RBFOX1: variants seen among roughly 807,000 people sequenced by gnomAD.
RBFOX1 encodes the protein RNA binding protein fox-1 homolog 1.
Under a neutral mutation model 57.7 loss-of-function variants are expected in RBFOX1, and 8 were observed. The ratio of observed to expected loss-of-function variants is 0.14; its 90% CI spans 0.08 to 0.25. The LOEUF (loss-of-function observed/expected upper bound fraction) is 0.25, where lower values mean the gene tolerates loss of function less well. Ranked by LOEUF, RBFOX1 falls within the 10% of genes least tolerant of loss-of-function variation. RBFOX1 has a pLI of 1.00. For synonymous variants in RBFOX1, 326 were observed against 222.4 expected (o/e 1.47, Z -4.15); for missense variants, 611 against 548.5 (o/e 1.11, Z -1.14).
intron 4 of RBFOX1, among the ~76,000 whole-genome samples, chr16:5,891,592 G>A (rs951546122): frequency 6.6e-6 from 1 of 152,112 alleles, no homozygotes; most frequent in African/African-American, 2.4e-5. Flanking sequence ...ATGGCAGAGG[G>A]GTTCCTTCTA....
At chr16:7,101,694 A>G (rs1226537158) in intron 4 of RBFOX1, among the ~76,000 whole-genome samples, 1 of 152,160 alleles carries the variant, frequency 6.6e-6, no homozygotes, top group African/African-American at 2.4e-5. Context: ...GCATTCAAGT[A>G]GGGTGATTTT....
At chr16:5,760,188 T>C (rs1023269693) in intron 3 of RBFOX1, among the ~76,000 whole-genome samples, 6 of 152,164 alleles carry the variant, frequency 3.9e-5, no homozygotes, top group African/African-American at 1.4e-4. Flanking sequence ...TTCCCAGTTT[T>C]ATCATTGAAA....
chr16:5,943,189 A>C (rs1290517136), intron 4 of RBFOX1, among the ~76,000 whole-genome samples: 1 of 152,224 alleles, frequency 6.6e-6, no homozygotes. Flanking sequence ...TTCTAGGTGT[A>C]GCCCCTGGAG....
chr16:6,869,075 T>C (rs1358379013), intron 3 of RBFOX1, among the ~76,000 whole-genome samples: 1 of 152,206 alleles, frequency 6.6e-6, no homozygotes, highest in Non-Finnish European at 1.5e-5. Flanking sequence ...TCCATTGCTA[T>C]AAGCCACTAA....
chr16:6,784,219 C>T (rs574718093), intron 3 of RBFOX1, among the ~76,000 whole-genome samples: 16 of 152,112 alleles, frequency 1.1e-4, no homozygotes, highest in South Asian at 8.3e-4. Context: ...CAATCTCTTT[C>T]TCTACTTCTT....
chr16:6,099,804 T>C (rs2096283090), intron 1 of RBFOX1, among the ~76,000 whole-genome samples: 1 of 152,182 alleles, frequency 6.6e-6, no homozygotes, highest in South Asian at 2.1e-4. Context: ...ACTCCGGGCA[T>C]CCTTCCCTTT....
chr16:6,102,201 C>T (rs1304894291), intron 1 of RBFOX1, among the ~76,000 whole-genome samples: 1 of 149,028 alleles, frequency 6.7e-6, no homozygotes, highest in Non-Finnish European at 1.5e-5. Context: ...AAAAATGCAC[C>T]CAGAAATGCA....
At chr16:6,871,563 A>C (rs1386767757) in intron 3 of RBFOX1, among the ~76,000 whole-genome samples, 1 of 151,874 alleles carries the variant, frequency 6.6e-6, no homozygotes, top group Non-Finnish European at 1.5e-5. Context: ...TCCCCTCTTA[A>C]TTACTGACTG....
intron 3 of RBFOX1, among the ~76,000 whole-genome samples, chr16:7,016,769 A>T (rs926156156): frequency 6.6e-6 from 1 of 152,128 alleles, no homozygotes; most frequent in African/African-American, 2.4e-5. Context: ...CCGTTTTAGG[A>T]TGCTGTGAGC....
chr16:7,669,932 G>A (rs1429385908), intron 13 of RBFOX1, among the ~76,000 whole-genome samples: 3 of 152,104 alleles, frequency 2.0e-5, no homozygotes, highest in Non-Finnish European at 4.4e-5. Context: ...TGTTTGCAAT[G>A]GGAGAGACAA....
At position 5,986,059 on chromosome 16, in the gene RBFOX1, C is replaced by CT. The variant is rs56316210; in HGVS notation, c.351+118738dup. On this transcript the variant is annotated intron_variant, in intron 4 of 19. Coordinates refer to the RBFOX1 transcript ENST00000641259. ...TATTTTCTATTGATTTTTTTCTTTA[C>CT]TTTTTTTTTTTTTTGTTTTCCAGAC... is the stretch of plus-strand genomic sequence containing the variant. Among the ~76,000 whole-genome samples, 392 of 136,204 alleles carry CT rather than the reference C, an allele frequency of 2.9e-3. 9 individuals are homozygous for CT. The highest frequency in any genetic ancestry group is 0.027 in the South Asian group (117 of 4,386). The allele number at this position is 136,204 out of a possible 152,430, so 89.4% of individuals were successfully genotyped here.
At chr16:7,374,410 A>G (rs1018930626) in intron 4 of RBFOX1, among the ~76,000 whole-genome samples, 2 of 152,172 alleles carry the variant, frequency 1.3e-5, no homozygotes, top group African/African-American at 4.8e-5. Flanking sequence ...ATTGCTAGTT[A>G]TGCTGGATTA....
chr16:7,345,764 G>A (rs536424357), intron 4 of RBFOX1, among the ~76,000 whole-genome samples: 8 of 151,882 alleles, frequency 5.3e-5, no homozygotes, highest in Non-Finnish European at 1.0e-4. Flanking sequence ...AACAGTTGTG[G>A]GATTTGGGTT....
intron 1 of RBFOX1, among the ~76,000 whole-genome samples, chr16:6,171,824 A>ATTTATTTATTTATTTG (rs1174215350): frequency 2.0e-5 from 3 of 151,416 alleles, no homozygotes; most frequent in African/African-American, 7.3e-5. Context: ...TTATTTATTT[A>ATTTATTTATTTATTTG]TTTATTTATT....
intron 1 of RBFOX1, among the ~76,000 whole-genome samples, chr16:6,068,673 G>A (rs964698808): frequency 1.3e-5 from 2 of 152,164 alleles, no homozygotes; most frequent in African/African-American, 4.8e-5. Context: ...GGCTGCAGAG[G>A]AAGGTCTTCA....
intron 4 of RBFOX1, among the ~76,000 whole-genome samples, chr16:7,119,797 A>G (rs765791262): frequency 6.6e-6 from 1 of 152,134 alleles, no homozygotes; most frequent in Non-Finnish European, 1.5e-5. Flanking sequence ...TAAAATTAAT[A>G]TTGAGAAAAT....
intron 11 of RBFOX1, among the ~76,000 whole-genome samples, chr16:7,635,457 T>C (rs2061600604): frequency 6.6e-6 from 1 of 152,150 alleles, no homozygotes; most frequent in African/African-American, 2.4e-5. Context: ...AATGTGGGAA[T>C]AATATCCCCA....
At chr16:5,472,130 T>C (rs763322465) in intron 2 of RBFOX1, among the ~76,000 whole-genome samples, 1 of 152,172 alleles carries the variant, frequency 6.6e-6, no homozygotes, top group Non-Finnish European at 1.5e-5. Context: ...AGAATCTTAT[T>C]ATCACGGCTC....
chr16:5,444,897 C>T (rs183450309), intron 1 of RBFOX1, among the ~76,000 whole-genome samples: 1 of 152,248 alleles, frequency 6.6e-6, no homozygotes, highest in Non-Finnish European at 1.5e-5. Flanking sequence ...GTTACTAGCC[C>T]TATTTTGCAG....
Sources: allele counts gnomAD v4.1 joint callset (sites outside exome capture counted in the v4.1 genomes callset), GRCh38; gene constraint gnomAD v4.1.1; transcripts MANE v1.5; gene names NCBI Gene and HGNC (gene_info 2026-07-23, HGNC 2026-07-21).